Variants in RNPC3 observed in about 807,000 individuals in gnomAD.
The protein encoded by RNPC3 is RNA-binding region-containing protein 3.
A neutral mutation model predicts 67.5 loss-of-function variants in RNPC3; 48 were observed. The ratio of observed to expected loss-of-function variants is 0.71; its 90% CI spans 0.56 to 0.90. The LOEUF is 0.90. Among genes scored for constraint, RNPC3 ranks in the 40% least tolerant of loss-of-function variants. RNPC3 has a pLI of 0.00. For missense variants in RNPC3, 637 were observed against 626.1 expected (o/e 1.02, Z -0.19); for synonymous variants, 239 against 210.3 (o/e 1.14, Z -1.18).
At position 103,545,024 on chromosome 1, in the gene RNPC3, A is replaced by T; in HGVS notation, c.1129A>T (p.Ile377Phe). ...ACCTAATTTGGACATCACAGAGGAG[A>T]TTAAAGAAGACTCTGATGAAATGCC... ...PKPNLDITEE[I>F]KEDSDEMPSE... The change falls in exon 10 of 15, where the codon ATT becomes TTT. Residue 377 changes from isoleucine to phenylalanine, a missense_variant. Ile to Phe is a conservative substitution (Grantham distance 21). This residue lies in a region of RNPC3 where 536 missense variants were observed against 500.3 expected (regional missense o/e 1.07). Transcript: ENST00000423855. The T allele has an allele frequency of 5.2e-6, 8 of 1,534,776 alleles. No homozygotes were observed. Among genetic ancestry groups the T allele is most frequent in the Non-Finnish European group, 7.0e-6 (8 of 1,145,258 alleles).
Position 103,534,818 on chromosome 1 carries a change from G to A in RNPC3, c.404G>A (p.Gly135Asp). 1 of 1,532,342 alleles carries A rather than the reference G, an allele frequency of 6.5e-7. No homozygotes were observed. The highest frequency in any genetic ancestry group is 1.2e-5 in the South Asian group (1 of 83,488). 94.9% of individuals were successfully genotyped at this position (1,532,342 alleles called of 1,614,324 possible). The change falls in exon 4 of 15, where the codon GGT becomes GAT. Residue 135 changes from glycine to aspartate, a missense_variant. This residue lies in a region of RNPC3 where 536 missense variants were observed against 500.3 expected (regional missense o/e 1.07). Coordinates refer to ENST00000423855, the MANE Select transcript of RNPC3 (RefSeq NM_017619.4). ...VEDDKEKKELGYLTVENGIAP... is the reference protein window; with the variant it reads ...VEDDKEKKELDYLTVENGIAP... Reference sequence around the variant, plus strand: ...GATGATAAAGAAAAAAAAGAACTTGGTTATTTAACAGTAGAAAATGGAATT... The same window carrying A: ...GATGATAAAGAAAAAAAAGAACTTGATTATTTAACAGTAGAAAATGGAATT...
chr1:103,527,923 A>G lies in RNPC3; in HGVS notation c.240+181A>G, dbSNP rs552119105. ...TGCCCAGTCCTTTAGTAGATTATCT[A>G]TAAAGAAAAACTAACTGCGTATGTA... On this transcript the variant is annotated intron_variant, in intron 2 of 14. Transcript: ENST00000423855. Among the ~76,000 whole-genome samples, 219 of 152,360 alleles carry G rather than the reference A, an allele frequency of 1.4e-3. 1 individual carries two copies. The highest frequency in any genetic ancestry group is 5.1e-3 in the African/African-American group (211 of 41,588).
At chr1:103,551,885 C>CA in intron 14 of RNPC3, 93 bp downstream of exon 14, 1 of 473,866 alleles carries the variant, frequency 2.1e-6, no homozygotes, top group Non-Finnish European at 3.6e-6. Flanking sequence ...TCAGGTATCT[C>CA]TTTTTTTTTT....
intron 7 of RNPC3, among the ~76,000 whole-genome samples, chr1:103,539,753 G>A (rs994454018): frequency 2.6e-5 from 4 of 152,166 alleles, no homozygotes; most frequent in African/African-American, 4.8e-5. Context: ...TACAGGTTGA[G>A]TATCTCTAAA....
At chr1:103,531,567 T>C (rs1650858169) in intron 2 of RNPC3, among the ~76,000 whole-genome samples, 1 of 152,184 alleles carries the variant, frequency 6.6e-6, no homozygotes, top group East Asian at 1.9e-4. Flanking sequence ...TATTGCCTCA[T>C]GATTTTGGTT....
intron 9 of RNPC3, 108 bp from the exon 10 acceptor site, chr1:103,544,832 AT>A: frequency 1.6e-6 from 1 of 610,134 alleles, no homozygotes; most frequent in Non-Finnish European, 2.6e-6. Flanking sequence ...ACACCAAAGA[AT>A]TTTAGTGCCA....
At position 103,527,761 on chromosome 1, in the gene RNPC3, G is replaced by A. The variant is rs916853720; in HGVS notation, c.240+19G>A. 1 of 1,514,946 alleles carries A rather than the reference G, an allele frequency of 6.6e-7. No individual in the cohort carries two copies. Among genetic ancestry groups the A allele is most frequent in the East Asian group, 2.5e-5 (1 of 40,606 alleles). 93.8% of individuals were successfully genotyped at this position (1,514,946 alleles called of 1,614,324 possible). On this transcript the variant is annotated intron_variant, in intron 2 of 14. Transcript: ENST00000423855. ...TATAAAGGTATGACTTTTTCTTGAC[G>A]ATTAAAGTTGTCAACAGGATCCTCT...
Position 103,544,925 on chromosome 1 carries a change from A to C in RNPC3, c.1046-16A>C. On this transcript the variant is annotated splice_polypyrimidine_tract_variant and intron_variant, in intron 9 of 14. Transcript: ENST00000423855. ...GGAGAGATTCTTAATGGTTAATGTT[A>C]ATATTGAACTCTTAGATTTACCTGC... 4 of 1,487,482 alleles carry C rather than the reference A, an allele frequency of 2.7e-6. No individual in the cohort carries two copies. In the South Asian group the frequency reaches 5.1e-5, roughly 19 times the overall value. The allele number at this position is 1,487,482 out of a possible 1,614,324, so 92.1% of individuals were successfully genotyped here. A position where few individuals can be genotyped will look rare whatever the true frequency, so the allele number is the denominator to read the frequency against.
At chr1:103,527,280 C>T (rs1284232738) in intron 1 of RNPC3, among the ~76,000 whole-genome samples, 2 of 152,144 alleles carry the variant, frequency 1.3e-5, no homozygotes, top group Non-Finnish European at 2.9e-5. Flanking sequence ...AGGAAATATG[C>T]ACCTTGAAGA....
chr1:103,539,041 A>G lies in RNPC3; in HGVS notation c.767+1557A>G, dbSNP rs187889703. Among the ~76,000 whole-genome samples the G allele has an allele frequency of 1.9e-3, 295 of 152,298 alleles. 1 individual carries two copies. The highest frequency in any genetic ancestry group is 6.9e-3 in the African/African-American group (287 of 41,570). On this transcript the variant is annotated intron_variant, in intron 7 of 14. Transcript: ENST00000423855. ...ACCCTTGTAGTAGGAAAGCATCCAT[A>G]GATAGTATACCTAATGAGTTGGTGT...
chr1:103,553,176 A>T (rs1570629948), intron 14 of RNPC3: 1 of 152,212 alleles, frequency 6.6e-6, no homozygotes, highest in African/African-American at 2.4e-5. Context: ...TTTAGAGGAA[A>T]GATGGATTTC....
At chr1:103,540,198 A>G (rs577436731) in intron 7 of RNPC3, among the ~76,000 whole-genome samples, 2 of 152,310 alleles carry the variant, frequency 1.3e-5, no homozygotes, top group East Asian at 1.9e-4. Flanking sequence ...TTCCATGTAC[A>G]CAAACTTTAT....
In RNPC3 at chr1:103,544,934, C is replaced by T; in HGVS notation, c.1046-7C>T. On this transcript the variant is annotated splice_polypyrimidine_tract_variant and splice_region_variant and intron_variant, in intron 9 of 14. Transcript: ENST00000423855. ...CTTAATGGTTAATGTTAATATTGAA[C>T]TCTTAGATTTACCTGCTACTGAAGT... The T allele has an allele frequency of 6.6e-7, 1 of 1,511,022 alleles. No individual in the cohort carries two copies. Among genetic ancestry groups the T allele is most frequent in the East Asian group, 2.5e-5 (1 of 40,278 alleles). 93.6% of individuals were successfully genotyped at this position (1,511,022 alleles called of 1,614,324 possible). A position where few individuals can be genotyped will look rare whatever the true frequency, so the allele number is the denominator to read the frequency against.
intron 7 of RNPC3, among the ~76,000 whole-genome samples, chr1:103,539,485 G>A (rs766548053): frequency 1.3e-5 from 2 of 152,132 alleles, no homozygotes; most frequent in African/African-American, 2.4e-5. Flanking sequence ...TGTTAACTGC[G>A]GACTAATTAC....
intron 12 of RNPC3, among the ~76,000 whole-genome samples, chr1:103,550,358 G>T (rs960788260): frequency 6.6e-6 from 1 of 152,012 alleles, no homozygotes. Flanking sequence ...TTTGCAGCCA[G>T]TGCGGTGGTC....
In RNPC3 at chr1:103,551,770, GA is replaced by G; in HGVS notation, c.1547del (p.Lys516SerfsTer5). 1 of 1,507,482 alleles carries G rather than the reference GA, an allele frequency of 6.6e-7. No individual in the cohort carries two copies. The highest frequency in any genetic ancestry group is 8.9e-7 in the Non-Finnish European group (1 of 1,118,082). 93.4% of individuals were successfully genotyped at this position (1,507,482 alleles called of 1,614,324 possible). ...AAACAAGATCCTAAGGAAGGAAAAA[GA>G]AAGTGTTAAAAATTAATAAAGGTAA... Reference protein sequence around the residue: ...RPKQDPKEGKRKC With the variant: ...RPKQDPKEGKXKC On this transcript the variant is annotated frameshift_variant, in exon 14 of 15. Transcript: ENST00000423855. LOFTEE classifies it high-confidence loss of function.
chr1:103,542,746 G>A (rs895658832), intron 8 of RNPC3, among the ~76,000 whole-genome samples: 3 of 151,544 alleles, frequency 2.0e-5, no homozygotes, highest in Non-Finnish European at 4.4e-5. Flanking sequence ...ATTAATGTGA[G>A]CCACATTAAA....
intron 4 of RNPC3, 138 bp from the exon 5 acceptor site, chr1:103,535,192 T>G: frequency 1.7e-6 from 1 of 578,182 alleles, no homozygotes; most frequent in East Asian, 3.0e-5. Context: ...TTAAATGTAC[T>G]TTGGATCTTT....
chr1:103,547,035 T>C lies in RNPC3; in HGVS notation c.1361T>C (p.Met454Thr). The C allele has an allele frequency of 3.4e-6, 5 of 1,476,434 alleles. No homozygotes were observed. The highest frequency in any genetic ancestry group is 1.4e-5 in the African/African-American group (1 of 71,436). 91.5% of individuals were successfully genotyped at this position (1,476,434 alleles called of 1,614,324 possible). A position where few individuals can be genotyped will look rare whatever the true frequency, so the allele number is the denominator to read the frequency against. ...TTTTCATCAGAAACACAGCGGATCA[T>C]GTAAGTGACAGTAAAATACAATCTT... Reference protein sequence around the residue: ...VDFSSETQRIMFDIRLMKEGR... With the variant: ...VDFSSETQRITFDIRLMKEGR... Residue 454 changes from methionine (M) to threonine (T), a missense_variant and splice_region_variant, in exon 12 of 15, where the codon ATG becomes ACG. By Grantham distance (81) the Met-to-Thr change is moderately conservative. Coordinates refer to ENST00000423855, the MANE Select transcript of RNPC3 (RefSeq NM_017619.4).
Sources: gnomAD v4.1 joint callset for allele counts (sites outside exome capture counted in the v4.1 genomes callset) on GRCh38, gnomAD v4.1.1 for gene constraint, gnomAD v4.1.1 regional missense constraint, MANE v1.5 for transcripts, NCBI Gene and HGNC (gene_info 2026-07-23, HGNC 2026-07-21) for gene names.